Variants in KIAA1217 observed in about 807,000 individuals in gnomAD.
KIAA1217 encodes the protein sickle tail protein homolog.
A neutral mutation model predicts 163.9 loss-of-function variants in KIAA1217; 88 were observed. The observed-to-expected ratio is 0.54, with a 90% CI of 0.45 to 0.64. The LOEUF (loss-of-function observed/expected upper bound fraction) is 0.64. KIAA1217 is among the 30% of genes least tolerant of loss of function. The probability of loss-of-function intolerance (pLI) is 0.00; values close to 1 mark genes in which losing one functional copy is unlikely to be tolerated. For missense variants in KIAA1217, 2,372 were observed against 2,475.0 expected, an observed-to-expected ratio of 0.96 and a Z score of 0.88; for synonymous variants, 903 against 923.1, an observed-to-expected ratio of 0.98 and a Z score of 0.39.
intron 1 of KIAA1217, among the ~76,000 whole-genome samples, chr10:23,816,864 C>G (rs1298144300): frequency 6.6e-6 from 1 of 152,080 alleles, no homozygotes; most frequent in Non-Finnish European, 1.5e-5. Flanking sequence ...CTTTGTGCAA[C>G]AGAGCAGGGC....
intron 1 of KIAA1217, among the ~76,000 whole-genome samples, chr10:23,782,167 G>A (rs535003311): frequency 2.6e-5 from 4 of 152,028 alleles, no homozygotes; most frequent in Admixed American, 2.6e-4. Context: ...TATATACATT[G>A]TAATAATATT....
chr10:24,223,455 A>G (rs555859599), intron 2 of KIAA1217, among the ~76,000 whole-genome samples: 1 of 152,128 alleles, frequency 6.6e-6, no homozygotes, highest in African/African-American at 2.4e-5. Flanking sequence ...GGACCTTCTC[A>G]GTATGGACTA....
intron 2 of KIAA1217, among the ~76,000 whole-genome samples, chr10:24,095,162 G>C (rs1474402271): frequency 6.6e-6 from 1 of 152,192 alleles, no homozygotes; most frequent in African/African-American, 2.4e-5. Context: ...CCAGGAAAGG[G>C]AACTCCCTGA....
At chr10:23,938,289 A>C (rs141575016) in intron 1 of KIAA1217, among the ~76,000 whole-genome samples, 153 of 152,304 alleles carry the variant, frequency 1.0e-3, no homozygotes, top group Admixed American at 2.0e-3. Flanking sequence ...CAAAGTCAGG[A>C]AAAACAATCA....
intron 1 of KIAA1217, among the ~76,000 whole-genome samples, chr10:23,924,966 C>T (rs1395353490): frequency 6.7e-6 from 1 of 149,286 alleles, no homozygotes. Context: ...AAAAAAAAAT[C>T]CAGTAGCCAA....
chr10:24,418,148 C>T (rs190726315), intron 3 of KIAA1217, among the ~76,000 whole-genome samples: 37 of 150,962 alleles, frequency 2.5e-4, no homozygotes, highest in Admixed American at 2.4e-3. Flanking sequence ...TTGTAGAGAT[C>T]ATCTCATCAT....
intron 2 of KIAA1217, among the ~76,000 whole-genome samples, chr10:24,334,941 C>G (rs950156862): frequency 2.0e-5 from 3 of 152,072 alleles, no homozygotes; most frequent in African/African-American, 7.2e-5. Context: ...TAAGCATCTT[C>G]TTTTTAAATG....
chr10:24,179,466 T>C (rs1315210260), intron 2 of KIAA1217, among the ~76,000 whole-genome samples: 1 of 152,190 alleles, frequency 6.6e-6, no homozygotes, highest in Non-Finnish European at 1.5e-5. Context: ...GCCCTCCACC[T>C]TTTGCTATGA....
chr10:24,074,445 T>C (rs1159965730), intron 2 of KIAA1217, among the ~76,000 whole-genome samples: 1 of 152,174 alleles, frequency 6.6e-6, no homozygotes, highest in Admixed American at 6.6e-5. Context: ...TTTCTGTCCA[T>C]ATTAACCTCT....
intron 2 of KIAA1217, among the ~76,000 whole-genome samples, chr10:24,129,681 A>G (rs1161634880): frequency 6.6e-6 from 1 of 152,016 alleles, no homozygotes; most frequent in Non-Finnish European, 1.5e-5. Flanking sequence ...ATATCTCTGT[A>G]TCTGATCATT....
intron 2 of KIAA1217, among the ~76,000 whole-genome samples, chr10:24,254,594 A>G (rs945600552): frequency 1.3e-5 from 2 of 152,186 alleles, no homozygotes; most frequent in African/African-American, 4.8e-5. Flanking sequence ...CCAACCTGGT[A>G]TGCTTTTAAG....
chr10:23,774,525 G>C (rs1436025099), intron 1 of KIAA1217, among the ~76,000 whole-genome samples: 1 of 152,174 alleles, frequency 6.6e-6, no homozygotes, highest in African/African-American at 2.4e-5. Context: ...CCACTGCCTA[G>C]GTCTGTGCAG....
At chr10:24,229,090 A>T (rs1329716112) in intron 2 of KIAA1217, among the ~76,000 whole-genome samples, 1 of 152,186 alleles carries the variant, frequency 6.6e-6, no homozygotes, top group Admixed American at 6.5e-5. Context: ...TGCATCTGTC[A>T]TATTTGTCTT....
Position 24,029,356 on chromosome 10 carries a change from G to A in KIAA1217, c.-171+21982G>A, listed in dbSNP as rs1376325537. Among the ~76,000 whole-genome samples, 3 of 152,088 alleles carry A rather than the reference G, an allele frequency of 2.0e-5. No homozygotes were observed. In the East Asian group the frequency reaches 5.8e-4, roughly 29 times the overall value. Reference sequence around the variant, plus strand: ...TGAACATGAGCCTGCAGACATATGAGAGGTATAGACTATTCTCACACATCA... The same window carrying A: ...TGAACATGAGCCTGCAGACATATGAAAGGTATAGACTATTCTCACACATCA... On this transcript the variant is annotated intron_variant, in intron 2 of 18. Coordinates refer to the KIAA1217 transcript ENST00000376462.
intron 1 of KIAA1217, among the ~76,000 whole-genome samples, chr10:24,218,182 AAAAAAGT>A (rs2069088193): frequency 6.6e-6 from 1 of 150,952 alleles, no homozygotes; most frequent in African/African-American, 2.4e-5. Context: ...TGTTTTTTTT[AAAAAAGT>A]AACTCTTTTT....
chr10:24,035,351 T>G (rs1382715743), intron 2 of KIAA1217, among the ~76,000 whole-genome samples: 1 of 152,212 alleles, frequency 6.6e-6, no homozygotes, highest in Non-Finnish European at 1.5e-5. Context: ...TGCCACAGCC[T>G]GTAGCATTTT....
At chr10:24,172,860 C>T (rs2065695842) in intron 2 of KIAA1217, among the ~76,000 whole-genome samples, 1 of 152,220 alleles carries the variant, frequency 6.6e-6, no homozygotes, top group African/African-American at 2.4e-5. Flanking sequence ...CTGCTCTTGA[C>T]TGTCTGGCTC....
At chr10:23,726,266 T>C (rs1281072770) in intron 1 of KIAA1217, among the ~76,000 whole-genome samples, 1 of 151,704 alleles carries the variant, frequency 6.6e-6, no homozygotes, top group Non-Finnish European at 1.5e-5. Flanking sequence ...AACTAATTTG[T>C]TTGTAAAAAG....
At chr10:24,282,515 A>G (rs1356401605) in intron 2 of KIAA1217, among the ~76,000 whole-genome samples, 1 of 152,206 alleles carries the variant, frequency 6.6e-6, no homozygotes, top group Non-Finnish European at 1.5e-5. Flanking sequence ...ATAACAGTAT[A>G]GACTCATGGA....
Sources: gnomAD v4.1 joint callset for allele counts (sites outside exome capture counted in the v4.1 genomes callset) on GRCh38, gnomAD v4.1.1 for gene constraint, MANE v1.5 for transcripts, NCBI Gene and HGNC (gene_info 2026-07-23, HGNC 2026-07-21) for gene names.